Variants in FBLL1 observed in about 807,000 individuals in gnomAD.
FBLL1 encodes the protein RNA 2'-O-methyltransferase FBLL1.
A neutral mutation model predicts 5.7 loss-of-function variants in FBLL1; 6 were observed. The ratio of observed to expected loss-of-function variants is 1.05; its 90% CI spans 0.57 to 2.07. The LOEUF (loss-of-function observed/expected upper bound fraction) is 2.07. Ranked by LOEUF, FBLL1 falls within the 30% of genes most tolerant of loss-of-function variation. FBLL1 has a pLI of 0.00. For missense variants in FBLL1, 258 were observed against 165.2 expected (o/e 1.56, Z -3.08); for synonymous variants, 133 against 75.1 (o/e 1.77, Z -3.99).
Position 168,529,855 on chromosome 5 carries a change from G to T in FBLL1, c.351G>T (p.Ala117=). 1.4e-6 allele frequency: 1 copy of T among 707,240 alleles called. No homozygotes were observed. Among genetic ancestry groups the T allele is most frequent in the Non-Finnish European group, 2.6e-6 (1 of 388,096 alleles). 43.8% of individuals were successfully genotyped at this position (707,240 alleles called of 1,614,324 possible). The change falls in exon 1 of 1, where the codon GCG becomes GCT. Residue 117 remains alanine, a synonymous_variant. Coordinates refer to ENST00000338333, the MANE Select transcript of FBLL1 (RefSeq NM_001355274.2). The surrounding 1 kb of genome is among the most constrained non-coding windows in gnomAD (Gnocchi z 7.2). ...TCATCTACCGCGGGGCGGAGGACGC[G>T]CTGGTCACGCTGAACATGGTGCCGG... ...GVFIYRGAED[A]LVTLNMVPGQ...
Position 168,529,877 on chromosome 5 carries a change from C to A in FBLL1, c.373C>A (p.Pro125Thr). 1.4e-6 allele frequency: 1 copy of A among 713,968 alleles called. No homozygotes were observed. Among genetic ancestry groups the A allele is most frequent in the Admixed American group, 1.9e-5 (1 of 51,444 alleles). 44.2% of individuals were successfully genotyped at this position (713,968 alleles called of 1,614,324 possible). A position where few individuals can be genotyped will look rare whatever the true frequency, so the allele number is the denominator to read the frequency against. ...EDALVTLNMV[P>T]GQSVYGERRV... Reference sequence around the variant, plus strand: ...CGCGCTGGTCACGCTGAACATGGTGCCGGGCCAGTCTGTGTACGGCGAGAG... The same window carrying A: ...CGCGCTGGTCACGCTGAACATGGTGACGGGCCAGTCTGTGTACGGCGAGAG... Residue 125 changes from proline (P) to threonine (T), a missense_variant, in exon 1 of 1, where the codon CCG becomes ACG. Coordinates refer to ENST00000338333, the MANE Select transcript of FBLL1 (RefSeq NM_001355274.2). The surrounding 1 kb of genome is among the most constrained non-coding windows in gnomAD (Gnocchi z 7.2).
chr5:168,530,489 C>G lies in FBLL1; in HGVS notation c.985C>G (p.Pro329Ala), dbSNP rs752843026. The change falls in exon 1 of 1, where the codon CCC becomes GCC. Residue 329 changes from proline to alanine, a missense_variant. Physicochemically the swap from Pro to Ala is conservative, Grantham distance 27 (BLOSUM62 -1). Transcript: ENST00000338333. The surrounding 1 kb of genome is among the most constrained non-coding windows in gnomAD (Gnocchi z 4.9). Reference protein sequence around the residue: ...AVVVGVYRPLPKSSSK With the variant: ...AVVVGVYRPLAKSSSK ...GGTGGTCGGGGTCTACCGACCTCTT[C>G]CCAAGAGCAGCAGCAAATAGCACCC... 1.3e-6 allele frequency: 1 copy of G among 762,250 alleles called. No homozygotes were observed. Among genetic ancestry groups the G allele is most frequent in the Admixed American group, 1.7e-5 (1 of 58,680 alleles). 47.2% of individuals were successfully genotyped at this position (762,250 alleles called of 1,614,324 possible).
Position 168,530,580 on chromosome 5 carries a change from C to T in FBLL1, c.*71C>T. 1.6e-6 allele frequency: 1 copy of T among 642,774 alleles called. No individual in the cohort carries two copies. Among genetic ancestry groups the T allele is most frequent in the Non-Finnish European group, 2.8e-6 (1 of 360,756 alleles). The allele number at this position is 642,774 out of a possible 1,614,324, so 39.8% of individuals were successfully genotyped here. A position where few individuals can be genotyped will look rare whatever the true frequency, so the allele number is the denominator to read the frequency against. ...TTTGCTATTATTTTCTGTGTGTTTT[C>T]TTTGTGAGTGTTTTGTTTTGTTGTT... On this transcript the variant is annotated 3_prime_UTR_variant, in exon 1 of 1. Transcript: ENST00000338333. This position sits in a 1 kb window ranked among gnomAD's most constrained non-coding sequence, Gnocchi z 4.9.
At position 168,530,356 on chromosome 5, in the gene FBLL1, C is replaced by T. The variant is rs755157750; in HGVS notation, c.852C>T (p.Thr284=). Residue 284 remains threonine, a synonymous_variant, in exon 1 of 1, where the codon ACC becomes ACT. Transcript: ENST00000338333. The surrounding 1 kb of genome is among the most constrained non-coding windows in gnomAD (Gnocchi z 4.9). ...ISIKANCIDS[T]ASAEAVFASE... is the part of the protein sequence containing the mutation. ...TCAAGGCCAACTGCATCGACTCCAC[C>T]GCATCCGCCGAGGCTGTGTTTGCTT... The T allele has an allele frequency of 1.0e-5, 8 of 765,310 alleles. No homozygotes were observed. The African/African-American group carries it at 1.4e-4, about 13-fold the overall frequency. 47.4% of individuals were successfully genotyped at this position (765,310 alleles called of 1,614,324 possible). A position where few individuals can be genotyped will look rare whatever the true frequency, so the allele number is the denominator to read the frequency against.
In FBLL1 at chr5:168,530,146, C is replaced by G. The variant is rs1482505148; in HGVS notation, c.642C>G (p.Asn214Lys). 5.2e-6 allele frequency: 4 copies of G among 764,728 alleles called. No homozygotes were observed. The highest frequency in any genetic ancestry group is 9.6e-6 in the Non-Finnish European group (4 of 417,640). The allele number at this position is 764,728 out of a possible 1,614,324, so 47.4% of individuals were successfully genotyped here. Reference protein sequence around the residue: ...FSHRAGRDLVNVAKKRTNIIP... With the variant: ...FSHRAGRDLVKVAKKRTNIIP... The stretch of plus-strand genomic sequence containing the variant: ...ACCGCGCCGGCCGCGATCTGGTCAA[C>G]GTGGCCAAGAAGCGCACCAACATCA... Residue 214 changes from asparagine to lysine, a missense_variant, in exon 1 of 1, where the codon AAC becomes AAG. Coordinates refer to ENST00000338333, the MANE Select transcript of FBLL1 (RefSeq NM_001355274.2). The surrounding 1 kb of genome is among the most constrained non-coding windows in gnomAD (Gnocchi z 4.9).
At position 168,530,087 on chromosome 5, in the gene FBLL1, C is replaced by T. The variant is rs565284178; in HGVS notation, c.583C>T (p.Pro195Ser). The change falls in exon 1 of 1, where the codon CCA (proline) becomes TCA (serine). Residue 195 changes from proline to serine, a missense_variant. Coordinates refer to ENST00000338333, the MANE Select transcript of FBLL1 (RefSeq NM_001355274.2). The surrounding 1 kb of genome is among the most constrained non-coding windows in gnomAD (Gnocchi z 4.9). ...TVSHVSDIIG[P>S]DGLVYAVEFS... ...CTCCCATGTCTCCGACATCATTGGC[C>T]CAGACGGCCTGGTCTACGCCGTCGA... The T allele has an allele frequency of 1.1e-4, 84 of 759,296 alleles. No homozygotes were observed. The East Asian group carries it at 1.9e-3, about 17-fold the overall frequency. 47.0% of individuals were successfully genotyped at this position (759,296 alleles called of 1,614,324 possible).
Position 168,529,845 on chromosome 5 carries a change from C to T in FBLL1, c.341C>T (p.Ala114Val), listed in dbSNP as rs1355631660. The T allele has an allele frequency of 2.8e-6, 2 of 704,948 alleles. No individual in the cohort carries two copies. The highest frequency in any genetic ancestry group is 2.0e-5 in the Admixed American group (1 of 50,128). 43.7% of individuals were successfully genotyped at this position (704,948 alleles called of 1,614,324 possible). A position where few individuals can be genotyped will look rare whatever the true frequency, so the allele number is the denominator to read the frequency against. ...GAGGGCGTCTTCATCTACCGCGGGG[C>T]GGAGGACGCGCTGGTCACGCTGAAC... ...RHEGVFIYRG[A>V]EDALVTLNMV... Residue 114 changes from alanine to valine, a missense_variant, in exon 1 of 1, where the codon GCG becomes GTG. Transcript: ENST00000338333. This position sits in a 1 kb window ranked among gnomAD's most constrained non-coding sequence, Gnocchi z 7.2.
Position 168,530,267 on chromosome 5 carries a change from T to TC in FBLL1, c.766dup (p.Arg256ProfsTer39). On this transcript the variant is annotated frameshift_variant, in exon 1 of 1. Coordinates refer to ENST00000338333, the MANE Select transcript of FBLL1 (RefSeq NM_001355274.2). LOFTEE classifies it high-confidence loss of function. This position sits in a 1 kb window ranked among gnomAD's most constrained non-coding sequence, Gnocchi z 4.9. Reference sequence around the variant, plus strand: ...CGCCGACGTGGCCCAGCCGGACCAGTCCCGCATCGTGGCCCTGAACGCCCA... The same window carrying TC: ...CGCCGACGTGGCCCAGCCGGACCAGTCCCCGCATCGTGGCCCTGAACGCCCA... 1 of 765,956 alleles carries TC rather than the reference T, an allele frequency of 1.3e-6. No individual in the cohort carries two copies. The highest frequency in any genetic ancestry group is 2.4e-6 in the Non-Finnish European group (1 of 418,016). 47.4% of individuals were successfully genotyped at this position (765,956 alleles called of 1,614,324 possible).
chr5:168,529,951 G>T lies in FBLL1; in HGVS notation c.447G>T (p.Trp149Cys). 1 of 742,328 alleles carries T rather than the reference G, an allele frequency of 1.3e-6. No homozygotes were observed. The highest frequency in any genetic ancestry group is 2.5e-6 in the Non-Finnish European group (1 of 407,430). The allele number at this position is 742,328 out of a possible 1,614,324, so 46.0% of individuals were successfully genotyped here. The change falls in exon 1 of 1, where the codon TGG becomes TGT. Residue 149 changes from tryptophan (W) to cysteine (C), a missense_variant. Physicochemically the swap from Trp to Cys is radical, Grantham distance 215. Coordinates refer to ENST00000338333, the MANE Select transcript of FBLL1 (RefSeq NM_001355274.2). This position sits in a 1 kb window ranked among gnomAD's most constrained non-coding sequence, Gnocchi z 7.2. ...EGGVKQEYRTWNPFRSKLAAA... is the reference protein window; with the variant it reads ...EGGVKQEYRTCNPFRSKLAAA... ...GCGTGAAGCAGGAGTACCGCACGTGGAACCCGTTCCGCTCTAAGCTGGCCG... is the reference window on the plus strand; with the variant it reads ...GCGTGAAGCAGGAGTACCGCACGTGTAACCCGTTCCGCTCTAAGCTGGCCG...
At position 168,529,928 on chromosome 5, in the gene FBLL1, G is replaced by A; in HGVS notation, c.424G>A (p.Val142Met). 1 of 732,840 alleles carries A rather than the reference G, an allele frequency of 1.4e-6. No individual in the cohort carries two copies. Among genetic ancestry groups the A allele is most frequent in the East Asian group, 2.5e-5 (1 of 39,456 alleles). 45.4% of individuals were successfully genotyped at this position (732,840 alleles called of 1,614,324 possible). The change falls in exon 1 of 1, where the codon GTG becomes ATG. Residue 142 changes from valine (V) to methionine (M), a missense_variant. By Grantham distance (21) the Val-to-Met change is conservative (BLOSUM62 1). Transcript: ENST00000338333. This position sits in a 1 kb window ranked among gnomAD's most constrained non-coding sequence, Gnocchi z 7.2. Reference sequence around the variant, plus strand: ...GCGCGTCACGGTGACCGAGGGCGGCGTGAAGCAGGAGTACCGCACGTGGAA... The same window carrying A: ...GCGCGTCACGGTGACCGAGGGCGGCATGAAGCAGGAGTACCGCACGTGGAA... The part of the protein sequence containing the change: ...ERRVTVTEGG[V>M]KQEYRTWNPF...
At position 168,530,348 on chromosome 5, in the gene FBLL1, G is replaced by A. The variant is rs751793742; in HGVS notation, c.844G>A (p.Asp282Asn). The A allele has an allele frequency of 7.8e-6, 6 of 765,354 alleles. No homozygotes were observed. Among genetic ancestry groups the A allele is most frequent in the Admixed American group, 3.4e-5 (2 of 58,994 alleles). The allele number at this position is 765,354 out of a possible 1,614,324, so 47.4% of individuals were successfully genotyped here. The change falls in exon 1 of 1, where the codon GAC (aspartate) becomes AAC (asparagine). Residue 282 changes from aspartate (D) to asparagine (N), a missense_variant. Transcript: ENST00000338333. The surrounding 1 kb of genome is among the most constrained non-coding windows in gnomAD (Gnocchi z 4.9). ...FLISIKANCIDSTASAEAVFA... is the reference protein window; with the variant it reads ...FLISIKANCINSTASAEAVFA... ...CATCTCCATCAAGGCCAACTGCATC[G>A]ACTCCACCGCATCCGCCGAGGCTGT...
rs1246275547 is a variant in FBLL1, at chr5:168,530,295, C to A, written c.791C>A (p.Thr264Asn). The A allele has an allele frequency of 1.3e-6, 1 of 765,978 alleles. No homozygotes were observed. Among genetic ancestry groups the A allele is most frequent in the Non-Finnish European group, 2.4e-6 (1 of 418,020 alleles). 47.4% of individuals were successfully genotyped at this position (765,978 alleles called of 1,614,324 possible). ...CGCATCGTGGCCCTGAACGCCCACA[C>A]CTTCCTGCGCAATGGGGGCCACTTT... ...QSRIVALNAH[T>N]FLRNGGHFLI... Residue 264 changes from threonine to asparagine, a missense_variant, in exon 1 of 1, where the codon ACC (threonine) becomes AAC (asparagine). Thr to Asn is a moderately conservative substitution (Grantham distance 65). Coordinates refer to ENST00000338333, the MANE Select transcript of FBLL1 (RefSeq NM_001355274.2). This position sits in a 1 kb window ranked among gnomAD's most constrained non-coding sequence, Gnocchi z 4.9.
rs1758948626 is a variant in FBLL1, at chr5:168,529,941, A to G, written c.437A>G (p.Tyr146Cys). The G allele has an allele frequency of 4.1e-6, 3 of 738,138 alleles. No individual in the cohort carries two copies. Among genetic ancestry groups the G allele is most frequent in the Non-Finnish European group, 7.4e-6 (3 of 405,510 alleles). The allele number at this position is 738,138 out of a possible 1,614,324, so 45.7% of individuals were successfully genotyped here. The change falls in exon 1 of 1, where the codon TAC becomes TGC. Residue 146 changes from tyrosine (Y) to cysteine (C), a missense_variant. Transcript: ENST00000338333. This position sits in a 1 kb window ranked among gnomAD's most constrained non-coding sequence, Gnocchi z 7.2. ...TVTEGGVKQE[Y>C]RTWNPFRSKL... is the part of the protein sequence containing the mutation. Reference sequence around the variant, plus strand: ...ACCGAGGGCGGCGTGAAGCAGGAGTACCGCACGTGGAACCCGTTCCGCTCT... The same window carrying G: ...ACCGAGGGCGGCGTGAAGCAGGAGTGCCGCACGTGGAACCCGTTCCGCTCT...
At position 168,530,446 on chromosome 5, in the gene FBLL1, T is replaced by C. The variant is rs1398601150; in HGVS notation, c.942T>C (p.Tyr314=). Residue 314 remains tyrosine (Y), a synonymous_variant, in exon 1 of 1, where the codon TAT becomes TAC. Coordinates refer to ENST00000338333, the MANE Select transcript of FBLL1 (RefSeq NM_001355274.2). This position sits in a 1 kb window ranked among gnomAD's most constrained non-coding sequence, Gnocchi z 4.9. ...KPQEQLTLEP[Y]ERDHAVVVGV... The stretch of plus-strand genomic sequence containing the variant: ...AAGAGCAGCTGACCCTGGAGCCCTA[T>C]GAGCGGGACCACGCTGTGGTGGTCG... 2 of 763,644 alleles carry C rather than the reference T, an allele frequency of 2.6e-6. No individual in the cohort carries two copies. The highest frequency in any genetic ancestry group is 2.4e-6 in the Non-Finnish European group (1 of 417,296). 47.3% of individuals were successfully genotyped at this position (763,644 alleles called of 1,614,324 possible). A position where few individuals can be genotyped will look rare whatever the true frequency, so the allele number is the denominator to read the frequency against.
Position 168,529,656 on chromosome 5 carries a change from G to C in FBLL1, c.152G>C (p.Gly51Ala). 6.6e-6 allele frequency: 1 copy of C among 151,280 alleles called. No homozygotes were observed. The highest frequency in any genetic ancestry group is 1.8e-4 in the South Asian group (1 of 5,612). 9.4% of individuals were successfully genotyped at this position (151,280 alleles called of 1,614,324 possible). A position where few individuals can be genotyped will look rare whatever the true frequency, so the allele number is the denominator to read the frequency against. The change falls in exon 1 of 1, where the codon GGG becomes GCG. Residue 51 changes from glycine (G) to alanine (A), a missense_variant. Coordinates refer to ENST00000338333, the MANE Select transcript of FBLL1 (RefSeq NM_001355274.2). The surrounding 1 kb of genome is among the most constrained non-coding windows in gnomAD (Gnocchi z 7.2). ...GGCCAGGGGGGCAAGGGCGGCTTCG[G>C]GGCGCGGGCGCGCGGCTTCGGCGGG... ...GGGQGGKGGF[G>A]ARARGFGGGG...
In FBLL1 at chr5:168,530,426, CAG is replaced by C; in HGVS notation, c.923_924del (p.Gln308ProfsTer7). ...LQQENLKPQEQLTLEPYERDH... is the reference protein window; with the variant it reads ...LQQENLKPQEXLTLEPYERDH... ...GCAGGAGAACTTGAAGCCTCAAGAG[CAG>C]CTGACCCTGGAGCCCTATGAGCGGG... On this transcript the variant is annotated frameshift_variant, in exon 1 of 1. Coordinates refer to ENST00000338333, the MANE Select transcript of FBLL1 (RefSeq NM_001355274.2). LOFTEE classifies it high-confidence loss of function. The surrounding 1 kb of genome is among the most constrained non-coding windows in gnomAD (Gnocchi z 4.9). 1 of 764,178 alleles carries C rather than the reference CAG, an allele frequency of 1.3e-6. No individual in the cohort carries two copies. The highest frequency in any genetic ancestry group is 2.4e-5 in the East Asian group (1 of 41,222). The allele number at this position is 764,178 out of a possible 1,614,324, so 47.3% of individuals were successfully genotyped here.
At position 168,530,491 on chromosome 5, in the gene FBLL1, C is replaced by G. The variant is rs756531943; in HGVS notation, c.987C>G (p.Pro329=). 1 of 762,144 alleles carries G rather than the reference C, an allele frequency of 1.3e-6. No individual in the cohort carries two copies. Among genetic ancestry groups the G allele is most frequent in the Admixed American group, 1.7e-5 (1 of 58,660 alleles). The allele number at this position is 762,144 out of a possible 1,614,324, so 47.2% of individuals were successfully genotyped here. A position where few individuals can be genotyped will look rare whatever the true frequency, so the allele number is the denominator to read the frequency against. ...TGGTCGGGGTCTACCGACCTCTTCC[C>G]AAGAGCAGCAGCAAATAGCACCCAG... ...AVVVGVYRPL[P]KSSSK The change falls in exon 1 of 1, where the codon CCC becomes CCG. Residue 329 remains proline, a synonymous_variant. Coordinates refer to ENST00000338333, the MANE Select transcript of FBLL1 (RefSeq NM_001355274.2). This position sits in a 1 kb window ranked among gnomAD's most constrained non-coding sequence, Gnocchi z 4.9.
Position 168,529,659 on chromosome 5 carries a change from C to A in FBLL1, c.155C>A (p.Ala52Glu), listed in dbSNP as rs1305081262. 4.7e-4 allele frequency: 69 copies of A among 146,118 alleles called. No homozygotes were observed. Among genetic ancestry groups the A allele is most frequent in the Non-Finnish European group, 9.2e-4 (62 of 67,590 alleles). The allele number at this position is 146,118 out of a possible 1,614,324, so 9.1% of individuals were successfully genotyped here. A position where few individuals can be genotyped will look rare whatever the true frequency, so the allele number is the denominator to read the frequency against. ...CAGGGGGGCAAGGGCGGCTTCGGGG[C>A]GCGGGCGCGCGGCTTCGGCGGGGGC... is the stretch of plus-strand genomic sequence containing the variant. The part of the protein sequence containing the change: ...GGQGGKGGFG[A>E]RARGFGGGGR... Residue 52 changes from alanine (A) to glutamate (E), a missense_variant, in exon 1 of 1, where the codon GCG (alanine) becomes GAG (glutamate). Transcript: ENST00000338333. This position sits in a 1 kb window ranked among gnomAD's most constrained non-coding sequence, Gnocchi z 7.2.
At position 168,530,227 on chromosome 5, in the gene FBLL1, G is replaced by A; in HGVS notation, c.723G>A (p.Met241Ile). The change falls in exon 1 of 1, where the codon ATG (methionine) becomes ATA (isoleucine). Residue 241 changes from methionine to isoleucine, a missense_variant. Transcript: ENST00000338333. This position sits in a 1 kb window ranked among gnomAD's most constrained non-coding sequence, Gnocchi z 4.9. Reference sequence around the variant, plus strand: ...TCAAGTACCGCATGCTCATCGGGATGGTGGACGTGATCTTCGCCGACGTGG... The same window carrying A: ...TCAAGTACCGCATGCTCATCGGGATAGTGGACGTGATCTTCGCCGACGTGG... ...HPLKYRMLIG[M>I]VDVIFADVAQ... is the part of the protein sequence containing the mutation. The A allele has an allele frequency of 1.3e-6, 1 of 765,796 alleles. No homozygotes were observed. Among genetic ancestry groups the A allele is most frequent in the Non-Finnish European group, 2.4e-6 (1 of 417,974 alleles). The allele number at this position is 765,796 out of a possible 1,614,324, so 47.4% of individuals were successfully genotyped here. A position where few individuals can be genotyped will look rare whatever the true frequency, so the allele number is the denominator to read the frequency against.
Sources: gnomAD v4.1 joint callset for allele counts on GRCh38, gnomAD v4.1.1 for gene constraint, Gnocchi (gnomAD v3.1) non-coding constraint, MANE v1.5 for transcripts, NCBI Gene and HGNC (gene_info 2026-07-23, HGNC 2026-07-21) for gene names.